The following DEPDC5 variants were observed in gnomAD, a reference collection of about 807,000 sequenced individuals.
DEPDC5 encodes DEP domain containing 5, GATOR1 subcomplex subunit.
DEPDC5 carries 73 observed loss-of-function variants against 217.3 expected under a neutral mutation model. That is an observed-to-expected ratio of 0.34 (90% confidence interval 0.28 to 0.41). DEPDC5 has a LOEUF of 0.41. Ranked by LOEUF, DEPDC5 falls within the 10% of genes least tolerant of loss-of-function variation. The pLI, the probability that DEPDC5 is intolerant of heterozygous loss-of-function variation, is 1.00. For missense variants in DEPDC5, 1,675 were observed against 2,070.1 expected, an observed-to-expected ratio of 0.81 and a Z score of 3.70; for synonymous variants, 733 against 756.7, an observed-to-expected ratio of 0.97 and a Z score of 0.51.
chr22:31,899,095 C>A (rs2093604052), intron 40 of DEPDC5, among the ~76,000 whole-genome samples: 1 of 152,358 alleles, frequency 6.6e-6, no homozygotes, highest in South Asian at 2.1e-4. Context: ...GGATTGCCCA[C>A]AGGGCTGGCG....
chr22:31,804,053 T>C, intron 15 of DEPDC5, 109 bp from the exon 16 acceptor site: 10 of 979,798 alleles, frequency 1.0e-5, no homozygotes, highest in Non-Finnish European at 1.6e-5. Flanking sequence ...AATCATACAA[T>C]GGTAAGTTAG....
At position 31,902,435 on chromosome 22, in the gene DEPDC5, T is replaced by TAC. The variant is rs1555938766; in HGVS notation, c.4436+634_4436+635dup. ...ATATATATATATATATATATATATA[T>TAC]ACTTATATATACTCATACAACCACA... On this transcript the variant is annotated intron_variant, in intron 41 of 42. Coordinates refer to ENST00000651528, the MANE Select transcript of DEPDC5 (RefSeq NM_001242896.3). 4.3e-3 allele frequency among the ~76,000 whole-genome samples: 540 copies of TAC among 125,540 alleles called. 6 individuals carry two copies. Among genetic ancestry groups the TAC allele is most frequent in the Admixed American group, 7.2e-3 (87 of 12,142 alleles). 82.4% of individuals were successfully genotyped at this position (125,540 alleles called of 152,430 possible).
At chr22:31,867,518 A>G (rs2092720828) in intron 33 of DEPDC5, among the ~76,000 whole-genome samples, 3 of 152,202 alleles carry the variant, frequency 2.0e-5, no homozygotes, top group Admixed American at 1.3e-4. Context: ...TAAAAGATAC[A>G]CATTGTGTGA....
intron 38 of DEPDC5, among the ~76,000 whole-genome samples, chr22:31,892,801 AAACCT>A (rs1300078204): frequency 4.0e-5 from 6 of 151,578 alleles, no homozygotes; most frequent in Non-Finnish European, 7.4e-5. Flanking sequence ...TACAATCCAT[AAACCT>A]ACATTGACAT....
chr22:31,790,862 T>G (rs2085553565), intron 10 of DEPDC5, among the ~76,000 whole-genome samples: 1 of 149,094 alleles, frequency 6.7e-6, no homozygotes, highest in Non-Finnish European at 1.5e-5. Context: ...TTATCCTACC[T>G]CAGCCTCCTG....
intron 24 of DEPDC5, among the ~76,000 whole-genome samples, chr22:31,829,199 G>A (rs2090400273): frequency 6.6e-6 from 1 of 152,174 alleles, no homozygotes; most frequent in African/African-American, 2.4e-5. Flanking sequence ...GGGACAAGGT[G>A]GGGTCTGAAT....
At position 31,906,322 on chromosome 22, in the gene DEPDC5, A is replaced by G; in HGVS notation, c.4637A>G (p.Tyr1546Cys). ...ATGTTCTGCGAGGAGCGGGTCGGCTACAACTGGGCCTACAACACCATGCTC... is the reference window on the plus strand; with the variant it reads ...ATGTTCTGCGAGGAGCGGGTCGGCTGCAACTGGGCCTACAACACCATGCTC... Reference protein sequence around the residue: ...QNMFCEERVGYNWAYNTMLTK... With the variant: ...QNMFCEERVGCNWAYNTMLTK... The change falls in exon 43 of 43, where the codon TAC becomes TGC. Residue 1546 changes from tyrosine to cysteine, a missense_variant. Physicochemically the swap from Tyr to Cys is radical, Grantham distance 194 (BLOSUM62 -2). Coordinates refer to ENST00000651528, the MANE Select transcript of DEPDC5 (RefSeq NM_001242896.3). The surrounding 1 kb of genome is among the most constrained non-coding windows in gnomAD (Gnocchi z 5.1). 1 of 1,614,004 alleles carries G rather than the reference A, an allele frequency of 6.2e-7. No individual in the cohort carries two copies. Among genetic ancestry groups the G allele is most frequent in the Non-Finnish European group, 8.5e-7 (1 of 1,179,940 alleles).
intron 33 of DEPDC5, among the ~76,000 whole-genome samples, chr22:31,862,950 C>T (rs2092566656): frequency 6.6e-6 from 1 of 152,118 alleles, no homozygotes; most frequent in East Asian, 1.9e-4. Context: ...CTCGGTTGTC[C>T]AGGCTGGAGT....
chr22:31,766,729 T>G, intron 6 of DEPDC5, 61 bp downstream of exon 6: 2 of 1,425,280 alleles, frequency 1.4e-6, no homozygotes, highest in Non-Finnish European at 2.0e-6. Context: ...AATCCCTGTT[T>G]ATTATGGGAG....
intron 36 of DEPDC5, 176 bp from the exon 37 acceptor site, chr22:31,875,980 GA>G: frequency 1.8e-6 from 1 of 558,716 alleles, no homozygotes; most frequent in East Asian, 2.9e-5. Context: ...ATTTGATGAT[GA>G]TACGAGTTTA....
At chr22:31,893,857 A>G in intron 39 of DEPDC5, 106 bp downstream of exon 39, 2 of 1,237,356 alleles carry the variant, frequency 1.6e-6, no homozygotes, top group South Asian at 1.9e-5. Flanking sequence ...TCAGGCTCTT[A>G]TTACCATTCA....
At position 31,806,211 on chromosome 22, in the gene DEPDC5, A is replaced by G; in HGVS notation, c.1287+20A>G. 6.2e-7 allele frequency: 1 copy of G among 1,606,404 alleles called. No individual in the cohort carries two copies. ...AAGAAGGTAGGTTTTTATTTTTGTT[A>G]AGACGGGGTCTTATTATGTGGTCCA... On this transcript the variant is annotated intron_variant, in intron 18 of 42. Transcript: ENST00000651528.
rs1476103970 is a variant in DEPDC5 at position 31,879,067 on chromosome 22, T to TATACACACATAC, written c.3806-457_3806-456insTACACACATACA. 3.0e-5 allele frequency among the ~76,000 whole-genome samples: 4 copies of TATACACACATAC among 133,958 alleles called. No homozygotes were observed. In the East Asian group the frequency reaches 6.1e-4, roughly 20 times the overall value. 87.9% of individuals were successfully genotyped at this position (133,958 alleles called of 152,430 possible). On this transcript the variant is annotated intron_variant, in intron 37 of 42. Transcript: ENST00000651528. ...AAATATATATATATATATATATATA[T>TATACACACATAC]ACACACACACACACGTATATATATA...
rs1277036876 is a variant in DEPDC5, at chr22:31,806,226, T to A, written c.1287+35T>A. ...TATTTTTGTTAAGACGGGGTCTTAT[T>A]ATGTGGTCCAGTCTTATCTTGAGCT... On this transcript the variant is annotated intron_variant, in intron 18 of 42. Coordinates refer to ENST00000651528, the MANE Select transcript of DEPDC5 (RefSeq NM_001242896.3). 1.9e-6 allele frequency: 3 copies of A among 1,570,288 alleles called. No individual in the cohort carries two copies. The South Asian group carries it at 3.3e-5, about 17-fold the overall frequency.
chr22:31,801,376 T>TA (rs1421795366), intron 14 of DEPDC5, among the ~76,000 whole-genome samples: 1 of 152,170 alleles, frequency 6.6e-6, no homozygotes, highest in Non-Finnish European at 1.5e-5. Flanking sequence ...GTATATCAAG[T>TA]AAAAAATGAT....
chr22:31,843,265 A>T, intron 28 of DEPDC5, 53 bp downstream of exon 28: 1 of 1,543,792 alleles, frequency 6.5e-7, no homozygotes, highest in Non-Finnish European at 8.9e-7. Flanking sequence ...TTATGGCCAC[A>T]TACTAAATTG....
intron 32 of DEPDC5, chr22:31,859,082 T>TG (rs2092413419): frequency 1.9e-4 from 19 of 97,790 alleles, no homozygotes; most frequent in Non-Finnish European, 3.0e-4. Context: ...TTCCTTTGTT[T>TG]TTTTTTTTTT....
intron 27 of DEPDC5, among the ~76,000 whole-genome samples, chr22:31,839,706 A>G (rs2091275069): frequency 6.6e-6 from 1 of 152,122 alleles, no homozygotes; most frequent in Non-Finnish European, 1.5e-5. Flanking sequence ...TGTGACATTT[A>G]TCACATGTTG....
chr22:31,815,317 T>A, intron 21 of DEPDC5, 105 bp downstream of exon 21: 1 of 1,205,962 alleles, frequency 8.3e-7, no homozygotes, highest in Non-Finnish European at 1.2e-6. Flanking sequence ...TCCCACATCT[T>A]AATGATTTCT....
Sources: gnomAD v4.1 joint callset for allele counts (sites outside exome capture counted in the v4.1 genomes callset) on GRCh38, gnomAD v4.1.1 for gene constraint, Gnocchi (gnomAD v3.1) non-coding constraint, MANE v1.5 for transcripts, NCBI Gene and HGNC (gene_info 2026-07-23, HGNC 2026-07-21) for gene names.